MINDY4: variants seen among roughly 807,000 people sequenced by gnomAD.
MINDY4 encodes probable ubiquitin carboxyl-terminal hydrolase MINDY-4.
MINDY4 carries 68 observed loss-of-function variants against 87.0 expected under a neutral mutation model. The observed-to-expected ratio is 0.78, with a 90% CI of 0.64 to 0.96. The LOEUF is 0.96. Among genes scored for constraint, MINDY4 ranks in the 40% least tolerant of loss-of-function variants. The pLI, the probability that MINDY4 is intolerant of heterozygous loss-of-function variation, is 0.00. For synonymous variants in MINDY4, 379 were observed against 363.2 expected (o/e 1.04, Z -0.50); for missense variants, 919 against 928.2 (o/e 0.99, Z 0.13).
At chr7:30,771,892 C>T (rs1052323822) in intron 1 of MINDY4, among the ~76,000 whole-genome samples, 1 of 152,208 alleles carries the variant, frequency 6.6e-6, no homozygotes, top group Admixed American at 6.5e-5. Context: ...AGCGGGCAGG[C>T]CTGCGCCCTA....
intron 5 of MINDY4, among the ~76,000 whole-genome samples, chr7:30,808,817 C>T (rs1027092306): frequency 6.6e-6 from 1 of 151,962 alleles, no homozygotes; most frequent in Non-Finnish European, 1.5e-5. Flanking sequence ...CCGTCGTCGG[C>T]CCTCCCCACC....
intron 9 of MINDY4, among the ~76,000 whole-genome samples, chr7:30,845,518 T>TAA (rs78323541): frequency 3.1e-5 from 4 of 129,912 alleles, no homozygotes; most frequent in Admixed American, 7.7e-5. Context: ...TGATCCAGCT[T>TAA]AAAAAAAAAA....
At chr7:30,809,112 T>C (rs889356282) in intron 5 of MINDY4, among the ~76,000 whole-genome samples, 24 of 152,188 alleles carry the variant, frequency 1.6e-4, no homozygotes, top group Non-Finnish European at 4.4e-5. Flanking sequence ...ATTTAAAACC[T>C]GTAATTGATG....
intron 5 of MINDY4, among the ~76,000 whole-genome samples, chr7:30,817,279 C>T (rs553481626): frequency 4.6e-5 from 7 of 151,168 alleles, no homozygotes; most frequent in African/African-American, 1.7e-4. Flanking sequence ...AGGAGCTTGG[C>T]TGAGGAGCTA....
intron 5 of MINDY4, among the ~76,000 whole-genome samples, chr7:30,798,133 A>G (rs1156485600): frequency 2.0e-5 from 3 of 152,164 alleles, no homozygotes; most frequent in East Asian, 3.9e-4. Context: ...TGCTCCTAGT[A>G]TACACACCTG....
intron 15 of MINDY4, among the ~76,000 whole-genome samples, chr7:30,876,822 C>T (rs1320146259): frequency 1.3e-5 from 2 of 152,174 alleles, no homozygotes; most frequent in Non-Finnish European, 2.9e-5. Context: ...CACCTATCCT[C>T]AGAACCAGGA....
intron 5 of MINDY4, among the ~76,000 whole-genome samples, chr7:30,805,239 C>T (rs1040086385): frequency 5.9e-5 from 9 of 152,058 alleles, no homozygotes; most frequent in African/African-American, 1.9e-4. Flanking sequence ...ATCCAGAGGA[C>T]GAGGCAGTCA....
At chr7:30,838,662 C>T (rs1448007062) in intron 7 of MINDY4, among the ~76,000 whole-genome samples, 1 of 152,090 alleles carries the variant, frequency 6.6e-6, no homozygotes, top group Non-Finnish European at 1.5e-5. Context: ...GTTTAGTAAC[C>T]CTGCACTAGA....
At chr7:30,823,591 G>T (rs1174007598) in intron 5 of MINDY4, among the ~76,000 whole-genome samples, 1 of 151,686 alleles carries the variant, frequency 6.6e-6, no homozygotes. Flanking sequence ...CTTCAAAACT[G>T]CCCATTCTTT....
chr7:30,836,573 G>A (rs953742623), intron 6 of MINDY4, 85 bp from the exon 7 acceptor site: 1 of 1,064,862 alleles, frequency 9.4e-7, no homozygotes, highest in Non-Finnish European at 1.4e-6. Flanking sequence ...TACAAACTTA[G>A]CAATGTCTGT....
intron 5 of MINDY4, among the ~76,000 whole-genome samples, chr7:30,825,867 A>T (rs1470693104): frequency 6.6e-6 from 1 of 152,236 alleles, no homozygotes; most frequent in Non-Finnish European, 1.5e-5. Context: ...TGAATTTATT[A>T]TCTCATAGTT....
chr7:30,853,264 C>T, intron 11 of MINDY4, 130 bp from the exon 12 acceptor site: 1 of 726,254 alleles, frequency 1.4e-6, no homozygotes, highest in Non-Finnish European at 2.5e-6. Flanking sequence ...CTTGGAGATG[C>T]TGCTCTCTGA....
intron 1 of MINDY4, among the ~76,000 whole-genome samples, chr7:30,775,943 C>T (rs1786797449): frequency 6.6e-6 from 1 of 152,210 alleles, no homozygotes; most frequent in South Asian, 2.1e-4. Flanking sequence ...TTGGCTTGTT[C>T]CTTTCTTGTG....
chr7:30,872,995 A>G (rs1790150998), intron 14 of MINDY4, among the ~76,000 whole-genome samples: 1 of 152,230 alleles, frequency 6.6e-6, no homozygotes, highest in African/African-American at 2.4e-5. Context: ...GGGGGCCACA[A>G]TGCGTAGCAT....
At chr7:30,820,245 G>T (rs1325577818) in intron 5 of MINDY4, among the ~76,000 whole-genome samples, 2 of 151,980 alleles carry the variant, frequency 1.3e-5, no homozygotes, top group Non-Finnish European at 2.9e-5. Flanking sequence ...CTTTTAACTG[G>T]CAAGTTTAAT....
chr7:30,875,660 C>T lies in MINDY4; in HGVS notation c.1971+4C>T. The T allele has an allele frequency of 1.2e-6, 2 of 1,600,732 alleles. No individual in the cohort carries two copies. Among genetic ancestry groups the T allele is most frequent in the South Asian group, 1.1e-5 (1 of 89,358 alleles). On this transcript the variant is annotated splice_donor_region_variant and intron_variant, in intron 15 of 17. Coordinates refer to ENST00000265299, the MANE Select transcript of MINDY4 (RefSeq NM_032222.3). ...TGAGCATTACAACATGTGCCAGGTA[C>T]CCAGATGCTCACGTTCACCACAAGT...
chr7:30,842,901 C>T lies in MINDY4; in HGVS notation c.1445+2053C>T, dbSNP rs556090642. Among the ~76,000 whole-genome samples, 14 of 152,360 alleles carry T rather than the reference C, an allele frequency of 9.2e-5. No individual in the cohort carries two copies. In the South Asian group the frequency reaches 2.7e-3, roughly 29 times the overall value. On this transcript the variant is annotated intron_variant, in intron 9 of 17. Coordinates refer to ENST00000265299, the MANE Select transcript of MINDY4 (RefSeq NM_032222.3). ...AGGCGCTGTGCCTGCTGGCTCCTCTCATTGCACAGAGGCCACATCTTTGTG... is the reference window on the plus strand; with the variant it reads ...AGGCGCTGTGCCTGCTGGCTCCTCTTATTGCACAGAGGCCACATCTTTGTG...
chr7:30,807,321 G>GA (rs1244248806), intron 5 of MINDY4, among the ~76,000 whole-genome samples: 6 of 152,126 alleles, frequency 3.9e-5, no homozygotes, highest in Admixed American at 3.9e-4. Context: ...ATCTGCCAAA[G>GA]AAACCCATCC....
At position 30,778,515 on chromosome 7, in the gene MINDY4, G is replaced by A. The variant is rs548010936; in HGVS notation, c.147G>A (p.Lys49=). The change falls in exon 2 of 18, where the codon AAG becomes AAA. Residue 49 remains lysine, a synonymous_variant. Transcript: ENST00000265299. ...TAAACAACAGAAATGATCTTCGAAA[G>A]GTTTTGCATCTTGAATTTCTCTATA... ...LSINNRNDLR[K]VLHLEFLYKE... 3 of 1,614,206 alleles carry A rather than the reference G, an allele frequency of 1.9e-6. No homozygotes were observed. The highest frequency in any genetic ancestry group is 2.5e-6 in the Non-Finnish European group (3 of 1,180,028).
Sources: gnomAD v4.1 joint callset for allele counts (sites outside exome capture counted in the v4.1 genomes callset) on GRCh38, gnomAD v4.1.1 for gene constraint, MANE v1.5 for transcripts, NCBI Gene and HGNC (gene_info 2026-07-23, HGNC 2026-07-21) for gene names.